SLC4A4: variants seen among roughly 807,000 people sequenced by gnomAD.
The protein encoded by SLC4A4 is electrogenic sodium bicarbonate cotransporter 1.
A neutral mutation model predicts 111.5 loss-of-function variants in SLC4A4; 27 were observed. The ratio of observed to expected loss-of-function variants is 0.24; its 90% confidence interval spans 0.18 to 0.33. The LOEUF (loss-of-function observed/expected upper bound fraction) is 0.33, where lower values mean the gene tolerates loss of function less well. Among genes scored for constraint, SLC4A4 ranks in the 10% least tolerant of loss-of-function variants. SLC4A4 has a pLI of 1.00. For synonymous variants in SLC4A4, 443 were observed against 463.4 expected, an observed-to-expected ratio of 0.96 and a Z score of 0.57; for missense variants, 909 against 1,315.5, an observed-to-expected ratio of 0.69 and a Z score of 4.78.
intron 15 of SLC4A4, among the ~76,000 whole-genome samples, chr4:71,493,229 A>G (rs934131966): frequency 1.3e-5 from 2 of 152,048 alleles, no homozygotes; most frequent in Non-Finnish European, 2.9e-5. Flanking sequence ...TAGTATAAAT[A>G]TGTCCTAAAT....
intron 7 of SLC4A4, chr4:71,434,535 C>A (rs1326490440): frequency 6.3e-6 from 1 of 157,872 alleles, no homozygotes. Context: ...ACAAGGAATG[C>A]TAAGGAATGT....
chr4:71,281,924 CTTT>C (rs765763593), intron 3 of SLC4A4, among the ~76,000 whole-genome samples: 3 of 136,802 alleles, frequency 2.2e-5, no homozygotes, highest in Admixed American at 7.3e-5. Flanking sequence ...TTTTCTCTTT[CTTT>C]TTTTTTTTTT....
chr4:71,232,444 CTG>C (rs1469063916), intron 1 of SLC4A4, among the ~76,000 whole-genome samples: 1 of 152,150 alleles, frequency 6.6e-6, no homozygotes, highest in African/African-American at 2.4e-5. Flanking sequence ...TGAGAATTCA[CTG>C]TGTTACCCAG....
At chr4:71,248,460 A>T (rs1331944247) in intron 2 of SLC4A4, among the ~76,000 whole-genome samples, 2 of 151,192 alleles carry the variant, frequency 1.3e-5, no homozygotes, top group Non-Finnish European at 2.9e-5. Context: ...TTATATAGAT[A>T]TAGATACATT....
chr4:71,418,258 T>TGA (rs1268956455), intron 7 of SLC4A4, among the ~76,000 whole-genome samples: 6 of 152,178 alleles, frequency 3.9e-5, no homozygotes, highest in Admixed American at 6.5e-5. Context: ...TTAATCGTGG[T>TGA]GAGATATATT....
intron 2 of SLC4A4, among the ~76,000 whole-genome samples, chr4:71,161,168 A>G (rs1444469244): frequency 1.3e-5 from 2 of 152,166 alleles, no homozygotes; most frequent in African/African-American, 4.8e-5. Context: ...TCTGATAGAG[A>G]CATTAACCTG....
chr4:71,559,187 A>T (rs1461355505), intron 22 of SLC4A4, among the ~76,000 whole-genome samples: 1 of 151,926 alleles, frequency 6.6e-6, no homozygotes, highest in Non-Finnish European at 1.5e-5. Flanking sequence ...CACGATGCTG[A>T]TAAAGACAAC....
Position 71,332,972 on chromosome 4 carries a change from T to C in SLC4A4, c.254-6398T>C, listed in dbSNP as rs530398842. On this transcript the variant is annotated intron_variant, in intron 3 of 25. Coordinates refer to ENST00000264485, the MANE Select transcript of SLC4A4 (RefSeq NM_001098484.3). ...TCCGCAAAACAGCTATTGGGAATTC[T>C]CTGTCTGAAAGGTCATATGTCTCTG... 2.2e-4 allele frequency among the ~76,000 whole-genome samples: 33 copies of C among 152,370 alleles called. No individual in the cohort carries two copies. The South Asian group carries it at 4.1e-3, about 19-fold the overall frequency.
At chr4:71,347,143 A>G (rs1560429153) in intron 4 of SLC4A4, among the ~76,000 whole-genome samples, 3 of 152,132 alleles carry the variant, frequency 2.0e-5, no homozygotes, top group African/African-American at 7.2e-5. Context: ...TGTTTTGCAA[A>G]TGCACTTTTT....
intron 24 of SLC4A4, 64 bp downstream of exon 24, chr4:71,563,953 T>G (rs572981216): frequency 9.8e-7 from 1 of 1,024,384 alleles, no homozygotes; most frequent in Admixed American, 1.7e-5. Flanking sequence ...AGAAAACACT[T>G]TAGAATGGCC....
At chr4:71,258,822 G>T (rs117096388) in intron 3 of SLC4A4, among the ~76,000 whole-genome samples, 2 of 152,154 alleles carry the variant, frequency 1.3e-5, no homozygotes, top group Non-Finnish European at 2.9e-5. Context: ...TGGGATTTTG[G>T]TCTGGGTAGG....
At chr4:71,231,240 G>A (rs542916316) in intron 1 of SLC4A4, among the ~76,000 whole-genome samples, 2 of 152,354 alleles carry the variant, frequency 1.3e-5, no homozygotes, top group African/African-American at 4.8e-5. Context: ...CTGACTGGCT[G>A]AGTGGCAGCT....
At chr4:71,249,615 G>A (rs919627957) in intron 2 of SLC4A4, among the ~76,000 whole-genome samples, 9 of 152,144 alleles carry the variant, frequency 5.9e-5, no homozygotes, top group South Asian at 4.1e-4. Context: ...TTGGCTGAGC[G>A]TGGTGGCTTG....
At chr4:71,297,713 G>C (rs1283302855) in intron 3 of SLC4A4, among the ~76,000 whole-genome samples, 1 of 150,620 alleles carries the variant, frequency 6.6e-6, no homozygotes, top group Admixed American at 6.7e-5. Flanking sequence ...TCGGCCTCCT[G>C]AGTAGCTGGG....
chr4:71,223,141 A>G (rs1718845813), intron 1 of SLC4A4, among the ~76,000 whole-genome samples: 1 of 151,632 alleles, frequency 6.6e-6, no homozygotes, highest in Non-Finnish European at 1.5e-5. Context: ...CCAGGTTCCT[A>G]GAGTTTTTAT....
At chr4:71,498,283 T>G (rs909828960) in intron 16 of SLC4A4, among the ~76,000 whole-genome samples, 1 of 152,176 alleles carries the variant, frequency 6.6e-6, no homozygotes. Context: ...AATGCCTGAG[T>G]GAGCTTAGTC....
intron 16 of SLC4A4, among the ~76,000 whole-genome samples, chr4:71,504,610 A>G (rs1731224388): frequency 7.3e-6 from 1 of 137,618 alleles, no homozygotes; most frequent in South Asian, 2.3e-4. Flanking sequence ...CTTTTGATCT[A>G]TTCTATAAAT....
intron 2 of SLC4A4, among the ~76,000 whole-genome samples, chr4:71,146,939 C>G (rs1205368376): frequency 1.3e-5 from 2 of 152,126 alleles, no homozygotes; most frequent in African/African-American, 2.4e-5. Context: ...AAGGCACAGA[C>G]TGGCAAATTG....
chr4:71,309,652 C>CCA (rs962035097), intron 3 of SLC4A4, among the ~76,000 whole-genome samples: 3 of 152,064 alleles, frequency 2.0e-5, no homozygotes. Flanking sequence ...AAAAGGACCC[C>CCA]CACACACAGA....
Sources: gnomAD v4.1 joint callset for allele counts (sites outside exome capture counted in the v4.1 genomes callset) on GRCh38, gnomAD v4.1.1 for gene constraint, MANE v1.5 for transcripts, NCBI Gene and HGNC (gene_info 2026-07-23, HGNC 2026-07-21) for gene names.